Variants in ATP13A1 observed in about 807,000 individuals in gnomAD.
The protein encoded by ATP13A1 is endoplasmic reticulum transmembrane helix translocase.
ATP13A1 carries 55 observed loss-of-function variants against 134.8 expected under a neutral mutation model. That is an observed-to-expected ratio of 0.41 (90% CI 0.33 to 0.51). ATP13A1 has a LOEUF of 0.51. ATP13A1 is among the 20% of genes least tolerant of loss of function. The probability of loss-of-function intolerance (pLI) is 0.29; values close to 1 mark genes in which losing one functional copy is unlikely to be tolerated. For missense variants in ATP13A1, 1,389 were observed against 1,652.8 expected, an observed-to-expected ratio of 0.84 and a Z score of 2.77; for synonymous variants, 775 against 725.1, an observed-to-expected ratio of 1.07 and a Z score of -1.10.
intron 1 of ATP13A1, 178 bp downstream of exon 1, chr19:19,663,093 G>T: frequency 1.1e-6 from 1 of 901,028 alleles, no homozygotes; most frequent in Non-Finnish European, 1.8e-6. Flanking sequence ...GGCATGCACA[G>T]CAAGTCAGCA....
chr19:19,650,947 C>T (rs2144998406), intron 17 of ATP13A1: 1 of 152,396 alleles, frequency 6.6e-6, no homozygotes, highest in South Asian at 2.1e-4. Context: ...GTCTCTATGT[C>T]TGCCTCTTCA....
chr19:19,660,067 C>A (rs1307108481), intron 1 of ATP13A1, 80 bp from the exon 2 acceptor site: 2 of 1,225,212 alleles, frequency 1.6e-6, no homozygotes, highest in Non-Finnish European at 2.3e-6. Context: ...GTTTTGGGTG[C>A]AGCAGCTCTA....
intron 3 of ATP13A1, 115 bp from the exon 4 acceptor site, chr19:19,657,523 A>C: frequency 9.3e-7 from 1 of 1,074,184 alleles, no homozygotes; most frequent in East Asian, 2.7e-5. Context: ...ACCAAGAGCC[A>C]TATGTGGGCG....
chr19:19,650,564 G>C (rs1029225618), intron 17 of ATP13A1: 1 of 153,968 alleles, frequency 6.5e-6, no homozygotes, highest in South Asian at 2.0e-4. Flanking sequence ...TGCTGCAGCT[G>C]TTGCTAGACC....
At position 19,655,277 on chromosome 19, in the gene ATP13A1, C is replaced by G. The variant is rs1190678553; in HGVS notation, c.1535-38G>C. ...GTGAGGTCAGGGGTCCTGCTTGGCC[C>G]CAGCCCACTCGGCACCCCATCCCAT... On this transcript the variant is annotated intron_variant, in intron 11 of 25. Transcript: ENST00000357324. The surrounding 1 kb of genome is among the most constrained non-coding windows in gnomAD (Gnocchi z 5.7). 1.9e-6 allele frequency: 3 copies of G among 1,613,822 alleles called. No homozygotes were observed. The highest frequency in any genetic ancestry group is 2.5e-6 in the Non-Finnish European group (3 of 1,179,886).
intron 3 of ATP13A1, among the ~76,000 whole-genome samples, chr19:19,657,640 T>C (rs2062068169): frequency 6.6e-6 from 1 of 152,204 alleles, no homozygotes; most frequent in South Asian, 2.1e-4. Flanking sequence ...AGCCCTCGGC[T>C]CTGCATAAAA....
rs545942688 is a variant in ATP13A1, at chr19:19,646,255, G to T, written c.3198C>A (p.Phe1066Leu). 4 of 1,614,024 alleles carry T rather than the reference G, an allele frequency of 2.5e-6. No individual in the cohort carries two copies. The East Asian group carries it at 8.9e-5, about 36-fold the overall frequency. ...CACGGTACAGGTAGACAAGGCTCAG[G>T]AAGTGCACAAAGAACTGGAGCATGA... ...LTVMLQFFVH[F>L]LSLVYLYREA... The change falls in exon 23 of 26, where the codon TTC (phenylalanine) becomes TTA (leucine). Residue 1066 changes from phenylalanine (F) to leucine (L), a missense_variant. Phe to Leu is a conservative substitution (Grantham distance 22). Coordinates refer to ENST00000357324, the MANE Select transcript of ATP13A1 (RefSeq NM_020410.3).
rs1304235438 is a variant in ATP13A1, at chr19:19,655,477, C to T, written c.1397-24G>A. The T allele has an allele frequency of 3.1e-6, 5 of 1,613,866 alleles. No individual in the cohort carries two copies. The African/African-American group carries it at 4.0e-5, about 13-fold the overall frequency. On this transcript the variant is annotated intron_variant, in intron 10 of 25. Coordinates refer to ENST00000357324, the MANE Select transcript of ATP13A1 (RefSeq NM_020410.3). The surrounding 1 kb of genome is among the most constrained non-coding windows in gnomAD (Gnocchi z 5.7). ...ACCTGTGGAGACAGGGCCTGCCAAC[C>T]TGGAGCCTCGGAGGGTGGGCGCAGG...
rs747847442 is a variant in ATP13A1 at position 19,663,319 on chromosome 19, G to A, written c.348C>T (p.Leu116=). ...GCGCGTGCACAGACCAATGCCCCGAGAGGACAGTGAGCGCGTGCGCGAGGC... is the reference window on the plus strand; with the variant it reads ...GCGCGTGCACAGACCAATGCCCCGAAAGGACAGTGAGCGCGTGCGCGAGGC... ...TICLAHALTV[L]SGHWSVHAHC... The change falls in exon 1 of 26, where the codon CTC becomes CTT. Residue 116 remains leucine (L), a synonymous_variant. Transcript: ENST00000357324. The A allele has an allele frequency of 1.6e-5, 25 of 1,591,646 alleles. No homozygotes were observed. The South Asian group carries it at 1.7e-4, about 11-fold the overall frequency.
chr19:19,654,983 G>A (rs1021880466), intron 12 of ATP13A1, 136 bp downstream of exon 12: 3 of 1,371,134 alleles, frequency 2.2e-6, no homozygotes, highest in East Asian at 5.0e-5. Flanking sequence ...TTTGTGGGGA[G>A]CCCCTGGAAA....
intron 19 of ATP13A1, among the ~76,000 whole-genome samples, chr19:19,649,363 G>A (rs1194786972): frequency 2.0e-5 from 3 of 152,164 alleles, no homozygotes; most frequent in Admixed American, 2.0e-4. Flanking sequence ...CTCTCTCCTG[G>A]CCTCTGGCCT....
intron 15 of ATP13A1, 154 bp from the exon 16 acceptor site, chr19:19,652,874 C>T (rs2062033692): frequency 2.7e-6 from 3 of 1,118,034 alleles, no homozygotes; most frequent in Non-Finnish European, 3.7e-6. Flanking sequence ...GGAGAAATGC[C>T]AGGAGGGTAC....
chr19:19,655,049 G>A lies in ATP13A1; in HGVS notation c.1655+70C>T, dbSNP rs1189488742. The A allele has an allele frequency of 7.6e-6, 12 of 1,588,076 alleles. No homozygotes were observed. Among genetic ancestry groups the A allele is most frequent in the Middle Eastern group, 2.1e-4 (1 of 4,866 alleles). On this transcript the variant is annotated intron_variant, in intron 12 of 25. Transcript: ENST00000357324. The surrounding 1 kb of genome is among the most constrained non-coding windows in gnomAD (Gnocchi z 5.7). ...TCACTGCAAGGGCTTGGGGTGGATGGGCCACCTGTCTCTCGACTTCCCAGA... is the reference window on the plus strand; with the variant it reads ...TCACTGCAAGGGCTTGGGGTGGATGAGCCACCTGTCTCTCGACTTCCCAGA...
intron 17 of ATP13A1, chr19:19,651,474 T>C (rs1175932310): frequency 3.3e-5 from 15 of 454,044 alleles, no homozygotes; most frequent in South Asian, 2.9e-4. Flanking sequence ...TTATGGTAAA[T>C]AAACACCTAC....
chr19:19,655,851 C>T lies in ATP13A1; in HGVS notation c.1269+27G>A. On this transcript the variant is annotated intron_variant, in intron 9 of 25. Coordinates refer to ENST00000357324, the MANE Select transcript of ATP13A1 (RefSeq NM_020410.3). The surrounding 1 kb of genome is among the most constrained non-coding windows in gnomAD (Gnocchi z 5.7). The stretch of plus-strand genomic sequence containing the variant: ...CTTGGCTGTCCAACTGCCCTGGGGC[C>T]CGCCCTCCCCAGACCTGGCCCCGCA... The T allele has an allele frequency of 6.4e-7, 1 of 1,563,338 alleles. No homozygotes were observed.
chr19:19,657,812 C>T (rs1402356831), intron 3 of ATP13A1, among the ~76,000 whole-genome samples: 1 of 152,114 alleles, frequency 6.6e-6, no homozygotes, highest in Non-Finnish European at 1.5e-5. Flanking sequence ...CACTGAGACC[C>T]AGCCCCACCA....
intron 1 of ATP13A1, chr19:19,662,223 A>G: frequency 6.6e-7 from 1 of 1,520,706 alleles, no homozygotes; most frequent in Non-Finnish European, 8.8e-7. Context: ...TTTGTCCCTC[A>G]TTGGTGTCTT....
rs1057438972 is a variant in ATP13A1, at chr19:19,655,671, A to G, written c.1270-17T>C. The G allele has an allele frequency of 6.2e-7, 1 of 1,610,060 alleles. No homozygotes were observed. On this transcript the variant is annotated splice_polypyrimidine_tract_variant and intron_variant, in intron 9 of 25. Transcript: ENST00000357324. The surrounding 1 kb of genome is among the most constrained non-coding windows in gnomAD (Gnocchi z 5.7). Reference sequence around the variant, plus strand: ...CAGCTTGCCCTGGAGGAATGGAGGAACAGCCTTTCTGCTGTCTGGACTCCC... The same window carrying G: ...CAGCTTGCCCTGGAGGAATGGAGGAGCAGCCTTTCTGCTGTCTGGACTCCC...
At chr19:19,648,282 G>A (rs924228922) in intron 19 of ATP13A1, among the ~76,000 whole-genome samples, 34 of 152,058 alleles carry the variant, frequency 2.2e-4, no homozygotes, top group African/African-American at 8.0e-4. Context: ...TCACACCACC[G>A]CACTCCAGCC....
Sources: allele counts gnomAD v4.1 joint callset (sites outside exome capture counted in the v4.1 genomes callset), GRCh38; gene constraint gnomAD v4.1.1; non-coding constraint Gnocchi (gnomAD v3.1); transcripts MANE v1.5; gene names NCBI Gene and HGNC (gene_info 2026-07-23, HGNC 2026-07-21).